FANCB: variants seen among roughly 807,000 people sequenced by gnomAD.
FANCB encodes the protein FA complementation group B, also known as Fanconi anemia group B protein.
FANCB carries 5 observed loss-of-function variants against 38.9 expected under a neutral mutation model. That is an observed-to-expected ratio of 0.13 (90% CI 0.07 to 0.27). The LOEUF is 0.27. Ranked by LOEUF, FANCB falls within the 10% of genes least tolerant of loss-of-function variation. FANCB has a pLI of 1.00. For missense variants in FANCB, 573 were observed against 602.7 expected (o/e 0.95, Z 0.52); for synonymous variants, 236 against 215.4 (o/e 1.10, Z -0.84).
chrX:14,707,580 T>TA, the FANCB span, among the ~76,000 whole-genome samples: 12 of 78,464 alleles, frequency 1.5e-4, no homozygotes, highest in Non-Finnish European at 2.3e-4. Context: ...CTCCACCCTC[T>TA]AAAAAAACCA....
rs146438837 is a variant in FANCB, at chrX:14,850,611, A to G, written c.1390T>C (p.Leu464=). The G allele has an allele frequency of 7.6e-6, 9 of 1,186,956 alleles. No homozygotes were observed. The African/African-American group carries it at 1.6e-4, about 21-fold the overall frequency. ...TCTGAATCTTGAAAATTGTCTGATA[A>G]CTTTTCATCTAAGATATGGACAGAA... The part of the protein sequence containing the change: ...ENSVHILDEK[L]SDNFQDSEQL... Residue 464 remains leucine, a synonymous_variant, in exon 7 of 10, where the codon TTA becomes CTA. Coordinates refer to ENST00000650831, the MANE Select transcript of FANCB (RefSeq NM_001018113.3).
chrX:14,774,279 A>G, the FANCB span, among the ~76,000 whole-genome samples: 19 of 112,079 alleles, frequency 1.7e-4, no homozygotes, highest in Non-Finnish European at 3.2e-4. Context: ...ATGAAGAATG[A>G]CAAGTGCTAC....
the FANCB span, among the ~76,000 whole-genome samples, chrX:14,785,861 T>C: frequency 8.9e-6 from 1 of 111,766 alleles, no homozygotes; most frequent in South Asian, 3.7e-4. Context: ...GGGGTCCTGA[T>C]TGCTGGCAAG....
At chrX:14,787,388 A>G in the FANCB span, among the ~76,000 whole-genome samples, 2 of 110,162 alleles carry the variant, frequency 1.8e-5, no homozygotes, top group African/African-American at 6.6e-5. Flanking sequence ...GGGGGTGTGG[A>G]AAAAGGGGAA....
At chrX:14,846,955 G>T (rs2092379468) in intron 7 of FANCB, among the ~76,000 whole-genome samples, 2 of 110,301 alleles carry the variant, frequency 1.8e-5, no homozygotes, top group Non-Finnish European at 3.8e-5. Context: ...TTCAGAAATG[G>T]GAAATTTGAC....
the FANCB span, among the ~76,000 whole-genome samples, chrX:14,784,323 C>T: frequency 8.9e-6 from 1 of 112,514 alleles, no homozygotes; most frequent in Non-Finnish European, 1.9e-5. Flanking sequence ...AGCAGAGCTG[C>T]ATTCCTTTCT....
At chrX:14,788,268 C>T in the FANCB span, among the ~76,000 whole-genome samples, 1 of 110,891 alleles carries the variant, frequency 9.0e-6, no homozygotes, top group Non-Finnish European at 1.9e-5. Context: ...GAGAAACTGA[C>T]GCAGTTACCC....
the FANCB span, among the ~76,000 whole-genome samples, chrX:14,806,169 G>A: frequency 5.6e-3 from 629 of 111,502 alleles, 8 homozygotes; most frequent in African/African-American, 0.019. Flanking sequence ...AGGGAGTGAG[G>A]ACCCTGAGAA....
At chrX:14,757,803 T>C in the FANCB span, among the ~76,000 whole-genome samples, 1 of 111,787 alleles carries the variant, frequency 8.9e-6, no homozygotes, top group African/African-American at 3.3e-5. Context: ...TGTAACACTT[T>C]TGACTGAATG....
the FANCB span, among the ~76,000 whole-genome samples, chrX:14,733,073 G>A: frequency 8.9e-6 from 1 of 112,130 alleles, no homozygotes; most frequent in Non-Finnish European, 1.9e-5. Flanking sequence ...AAGGGGTCCA[G>A]TTTCAGTTTT....
the FANCB span, among the ~76,000 whole-genome samples, chrX:14,744,108 A>C: frequency 8.9e-6 from 1 of 111,897 alleles, no homozygotes; most frequent in Non-Finnish European, 1.9e-5. Flanking sequence ...ATTTTTATAG[A>C]TTCCCTGGCC....
the FANCB span, among the ~76,000 whole-genome samples, chrX:14,782,894 G>A: frequency 9.0e-6 from 1 of 111,512 alleles, no homozygotes; most frequent in South Asian, 3.8e-4. Flanking sequence ...ATTTCTAACA[G>A]TCTCCTAAGG....
the FANCB span, among the ~76,000 whole-genome samples, chrX:14,755,153 A>T: frequency 1.8e-5 from 2 of 111,918 alleles, no homozygotes; most frequent in Admixed American, 9.5e-5. Context: ...ATGTACCTCA[A>T]CGTAATAAAG....
In FANCB at chrX:14,845,262, T is replaced by C. The variant is rs1401773312; in HGVS notation, c.1521A>G (p.Ser507=). ...LKLSLNDVTL[S]LLMDQAHDSR... ...AGTCATGGGCTTGATCCATTAACAA[T>C]GATAAAGTCACATCATTCAGGGACC... Residue 507 remains serine (S), a synonymous_variant, in exon 8 of 10, where the codon TCA becomes TCG. Transcript: ENST00000650831. 2 of 1,207,946 alleles carry C rather than the reference T, an allele frequency of 1.7e-6. No homozygotes were observed. The highest frequency in any genetic ancestry group is 3.0e-5 in the East Asian group (1 of 33,766).
chrX:14,768,686 T>C, the FANCB span, among the ~76,000 whole-genome samples: 1 of 111,732 alleles, frequency 8.9e-6, no homozygotes, highest in Non-Finnish European at 1.9e-5. Flanking sequence ...GGCCAGAACT[T>C]CTAATATGAT....
At chrX:14,851,874 T>C (rs1425066430) in intron 6 of FANCB, among the ~76,000 whole-genome samples, 1 of 111,662 alleles carries the variant, frequency 9.0e-6, no homozygotes, top group Non-Finnish European at 1.9e-5. Context: ...AACAAGATCA[T>C]ATTTTGGACC....
At chrX:14,721,120 CAAAAA>C in the FANCB span, among the ~76,000 whole-genome samples, 2 of 71,682 alleles carry the variant, frequency 2.8e-5, no homozygotes, top group Non-Finnish European at 2.6e-5. Context: ...GACCCTGTCT[CAAAAA>C]AAAAAAAAAA....
chrX:14,759,806 A>G, the FANCB span, among the ~76,000 whole-genome samples: 1 of 111,441 alleles, frequency 9.0e-6, no homozygotes, highest in African/African-American at 3.3e-5. Context: ...ACAATGGAAA[A>G]AAAAAAAAAG....
chrX:14,859,709 C>T (rs928318705), intron 3 of FANCB, among the ~76,000 whole-genome samples: 1 of 111,577 alleles, frequency 9.0e-6, no homozygotes, highest in Non-Finnish European at 1.9e-5. Context: ...TTCCTTCTCT[C>T]GCACAGCTAA....
Sources: gnomAD v4.1 joint callset for allele counts (sites outside exome capture counted in the v4.1 genomes callset) on GRCh38, gnomAD v4.1.1 for gene constraint, MANE v1.5 for transcripts, NCBI Gene and HGNC (gene_info 2026-07-23, HGNC 2026-07-21) for gene names.